Variants in DENND4A observed in about 807,000 individuals in gnomAD.
DENND4A encodes the protein C-myc promoter-binding protein.
Under a neutral mutation model 199.3 loss-of-function variants are expected in DENND4A, and 70 were observed. The ratio of observed to expected loss-of-function variants is 0.35; its 90% CI spans 0.29 to 0.43. The LOEUF (loss-of-function observed/expected upper bound fraction) is 0.43. DENND4A is among the 20% of genes least tolerant of loss of function. The pLI is 1.00. For missense variants in DENND4A, 1,723 were observed against 2,255.8 expected (o/e 0.76, Z 4.78); for synonymous variants, 686 against 766.9 (o/e 0.89, Z 1.74).
chr15:65,711,372 T>C lies in DENND4A; in HGVS notation c.1953+4106A>G, dbSNP rs574734953. ...AGCCAGGCATGATGGCATATGCCTG[T>C]GGTCCCAGCTACTCAGGAGACTGAG... On this transcript the variant is annotated intron_variant, in intron 14 of 32. Transcript: ENST00000443035. Among the ~76,000 whole-genome samples the C allele has an allele frequency of 9.9e-5, 15 of 152,252 alleles. No individual in the cohort carries two copies. In the East Asian group the frequency reaches 2.7e-3, roughly 28 times the overall value.
chr15:65,676,375 AAAGTG>A (rs974586900), intron 24 of DENND4A, 65 bp downstream of exon 24: 1 of 1,261,190 alleles, frequency 7.9e-7, no homozygotes, highest in African/African-American at 1.5e-5. Context: ...CATAAAGAAA[AAAGTG>A]AAAGTGTCAC....
In DENND4A at chr15:65,663,211, T is replaced by A. The variant is rs867017793; in HGVS notation, c.5587+1119A>T. Among the ~76,000 whole-genome samples the A allele has an allele frequency of 2.4e-4, 34 of 142,422 alleles. 1 individual carries two copies. Among genetic ancestry groups the A allele is most frequent in the South Asian group, 2.2e-3 (10 of 4,592 alleles). The allele number at this position is 142,422 out of a possible 152,430, so 93.4% of individuals were successfully genotyped here. On this transcript the variant is annotated intron_variant, in intron 32 of 32. Transcript: ENST00000443035. Reference sequence around the variant, plus strand: ...ATATATATATATATTTTTTTTTTTTTATTTTTTTTTTTGGTTAGACGGAGT... The same window carrying A: ...ATATATATATATATTTTTTTTTTTTAATTTTTTTTTTTGGTTAGACGGAGT...
At chr15:65,760,331 T>C (rs1351355498) in intron 2 of DENND4A, among the ~76,000 whole-genome samples, 2 of 151,876 alleles carry the variant, frequency 1.3e-5, no homozygotes, top group Non-Finnish European at 2.9e-5. Context: ...ACCCCGTCTC[T>C]ACTTAAAATA....
chr15:65,761,736 G>A (rs1445048873), intron 1 of DENND4A, among the ~76,000 whole-genome samples: 5 of 152,098 alleles, frequency 3.3e-5, no homozygotes, highest in South Asian at 2.1e-4. Flanking sequence ...GTACAAAAGA[G>A]GAAATGTGTA....
intron 1 of DENND4A, among the ~76,000 whole-genome samples, chr15:65,762,689 C>T (rs976571348): frequency 1.5e-4 from 23 of 152,116 alleles, no homozygotes; most frequent in African/African-American, 4.8e-4. Context: ...CAAAATAATT[C>T]GGTATAACTT....
At chr15:65,677,583 T>C (rs1036314149) in intron 23 of DENND4A, among the ~76,000 whole-genome samples, 3 of 152,298 alleles carry the variant, frequency 2.0e-5, no homozygotes, top group South Asian at 2.1e-4. Flanking sequence ...GCTAATGAAG[T>C]AATTCTCCAC....
intron 23 of DENND4A, among the ~76,000 whole-genome samples, chr15:65,678,277 C>G (rs1000309268): frequency 6.6e-6 from 1 of 152,182 alleles, no homozygotes; most frequent in African/African-American, 2.4e-5. Flanking sequence ...TGTATCTTCT[C>G]TATCAATTTT....
chr15:65,721,757 C>T (rs2075653265), intron 12 of DENND4A, among the ~76,000 whole-genome samples: 1 of 152,008 alleles, frequency 6.6e-6, no homozygotes, highest in African/African-American at 2.4e-5. Context: ...GAGACTACAG[C>T]TACATCTTAA....
intron 5 of DENND4A, among the ~76,000 whole-genome samples, chr15:65,740,181 C>A (rs2076219943): frequency 6.7e-6 from 1 of 148,204 alleles, no homozygotes; most frequent in South Asian, 2.1e-4. Flanking sequence ...CATTGGTAAA[C>A]AAAATAGAGG....
intron 1 of DENND4A, chr15:65,771,718 T>C: frequency 1.2e-6 from 2 of 1,610,390 alleles, no homozygotes; most frequent in South Asian, 1.1e-5. Flanking sequence ...ACAAGTCTTC[T>C]GGAGTTATAT....
At chr15:65,704,246 G>A (rs1453449821) in intron 15 of DENND4A, among the ~76,000 whole-genome samples, 1 of 152,126 alleles carries the variant, frequency 6.6e-6, no homozygotes, top group Admixed American at 6.5e-5. Context: ...GGCAGACTCT[G>A]TGCTCATTAA....
chr15:65,693,703 C>T (rs142148873), intron 22 of DENND4A, among the ~76,000 whole-genome samples: 29 of 151,876 alleles, frequency 1.9e-4, no homozygotes, highest in African/African-American at 6.3e-4. Context: ...GAAGTCTTCC[C>T]TAACAACCCC....
At chr15:65,720,033 G>A (rs1466739584) in intron 12 of DENND4A, among the ~76,000 whole-genome samples, 1 of 152,178 alleles carries the variant, frequency 6.6e-6, no homozygotes, top group African/African-American at 2.4e-5. Context: ...AGAAGGAAAG[G>A]CAAATAAAGA....
chr15:65,670,515 T>C (rs1460232290), intron 25 of DENND4A, among the ~76,000 whole-genome samples: 2 of 152,198 alleles, frequency 1.3e-5, no homozygotes, highest in Non-Finnish European at 2.9e-5. Context: ...TGTAATTACA[T>C]ATTACAAATC....
intron 14 of DENND4A, among the ~76,000 whole-genome samples, chr15:65,707,553 G>A (rs2075102687): frequency 6.6e-6 from 1 of 152,104 alleles, no homozygotes; most frequent in African/African-American, 2.4e-5. Flanking sequence ...ATTAAATAAT[G>A]TTTTTAATGG....
chr15:65,790,084 T>C (rs1003033811), intron 1 of DENND4A, among the ~76,000 whole-genome samples: 1 of 152,236 alleles, frequency 6.6e-6, no homozygotes, highest in Non-Finnish European at 1.5e-5. Context: ...AATTTTATTT[T>C]ACAATTCTGC....
chr15:65,712,512 C>T lies in DENND4A; in HGVS notation c.1953+2966G>A, dbSNP rs993964845. ...TATAAAGACTAAATGACTAAAGTCA[C>T]AAGTATAATAGTCAAGATTAAAGTA... On this transcript the variant is annotated intron_variant, in intron 14 of 32. Coordinates refer to ENST00000443035, the MANE Select transcript of DENND4A (RefSeq NM_001320835.1). Among the ~76,000 whole-genome samples, 3 of 152,164 alleles carry T rather than the reference C, an allele frequency of 2.0e-5. 1 individual carries two copies. The highest frequency in any genetic ancestry group is 1.3e-4 in the Admixed American group (2 of 15,278).
intron 13 of DENND4A, among the ~76,000 whole-genome samples, chr15:65,717,135 C>T (rs954698559): frequency 2.6e-5 from 4 of 151,946 alleles, no homozygotes; most frequent in Non-Finnish European, 4.4e-5. Context: ...GAGAAATAAC[C>T]ATGTCTCTCA....
intron 5 of DENND4A, among the ~76,000 whole-genome samples, chr15:65,740,290 AAAAG>A (rs1187355452): frequency 3.3e-5 from 5 of 151,652 alleles, no homozygotes; most frequent in African/African-American, 7.3e-5. Flanking sequence ...CAAAAAAAAA[AAAAG>A]AAAGAAAAAA....
Sources: allele counts gnomAD v4.1 joint callset (sites outside exome capture counted in the v4.1 genomes callset), GRCh38; gene constraint gnomAD v4.1.1; transcripts MANE v1.5; gene names NCBI Gene and HGNC (gene_info 2026-07-23, HGNC 2026-07-21).